C16orf96: variants seen among roughly 807,000 people sequenced by gnomAD.
C16orf96 encodes chromosome 16 open reading frame 96.
Under a neutral mutation model 103.6 loss-of-function variants are expected in C16orf96, and 108 were observed. The ratio of observed to expected loss-of-function variants is 1.04; its 90% CI spans 0.89 to 1.22. The LOEUF (loss-of-function observed/expected upper bound fraction) is 1.22. C16orf96 is among the 50% of genes most tolerant of loss of function. C16orf96 has a pLI of 0.00. For synonymous variants in C16orf96, 566 were observed against 593.5 expected (o/e 0.95, Z 0.67); for missense variants, 1,586 against 1,464.2 (o/e 1.08, Z -1.36).
At chr16:4,540,393 C>T in the C16orf96 span, among the ~76,000 whole-genome samples, 5 of 152,046 alleles carry the variant, frequency 3.3e-5, no homozygotes, top group East Asian at 3.9e-4. Context: ...GTGAGGATGT[C>T]AGTGGGGCAG....
intron 5 of C16orf96, among the ~76,000 whole-genome samples, chr16:4,577,020 C>T (rs935840613): frequency 3.9e-5 from 6 of 151,934 alleles, no homozygotes; most frequent in African/African-American, 7.3e-5. Context: ...GGAGAAACCC[C>T]GTCTCTACTA....
At chr16:4,549,492 A>C in the C16orf96 span, among the ~76,000 whole-genome samples, 6 of 145,730 alleles carry the variant, frequency 4.1e-5, no homozygotes, top group African/African-American at 5.1e-5. Flanking sequence ...AAAAAAAAAC[A>C]ACCAACCAGA....
chr16:4,580,212 T>G, intron 7 of C16orf96, 87 bp downstream of exon 7: 3 of 1,062,670 alleles, frequency 2.8e-6, no homozygotes, highest in Non-Finnish European at 3.9e-6. Flanking sequence ...AGGTTCTGCA[T>G]GAGGTGGGGA....
chr16:4,568,213 G>T (rs1466534934), intron 1 of C16orf96, among the ~76,000 whole-genome samples: 1 of 152,028 alleles, frequency 6.6e-6, no homozygotes, highest in African/African-American at 2.4e-5. Context: ...CTCTTCTGTT[G>T]CTTTCTAATT....
At chr16:4,547,649 TTTCCTTCC>T in the C16orf96 span, among the ~76,000 whole-genome samples, 27 of 119,160 alleles carry the variant, frequency 2.3e-4, no homozygotes, top group Middle Eastern at 4.1e-3. Flanking sequence ...TCTTTCTTTC[TTTCCTTCC>T]TTCCTTCCTT....
chr16:4,588,723 T>C (rs2141752132), intron 9 of C16orf96, among the ~76,000 whole-genome samples: 2 of 145,628 alleles, frequency 1.4e-5, no homozygotes, highest in East Asian at 4.3e-4. Flanking sequence ...TTTTTTTTTT[T>C]TTCATACAGG....
chr16:4,595,027 C>T (rs1897142505), intron 14 of C16orf96, among the ~76,000 whole-genome samples: 2 of 152,198 alleles, frequency 1.3e-5, no homozygotes, highest in South Asian at 4.1e-4. Context: ...CCGAGATCAA[C>T]AGCTGACCAG....
rs1169099009 is a variant in C16orf96 at position 4,584,440 on chromosome 16, C to T, written c.2353-2599C>T. Among the ~76,000 whole-genome samples the T allele has an allele frequency of 5.5e-5, 8 of 145,804 alleles. No individual in the cohort carries two copies. The South Asian group carries it at 1.3e-3, about 24-fold the overall frequency. ...TTGGCTCATTGTAACCTCCGCCTCC[C>T]GGGTTCAAGCAATTCTTCTGCCTCA... On this transcript the variant is annotated intron_variant, in intron 7 of 15. Transcript: ENST00000444310.
chr16:4,599,413 C>T, intron 15 of C16orf96, 49 bp downstream of exon 15: 1 of 1,461,634 alleles, frequency 6.8e-7, no homozygotes. Context: ...CTGGAAGGGT[C>T]TCCAGTCCCT....
the C16orf96 span, among the ~76,000 whole-genome samples, chr16:4,548,887 A>AAG: frequency 4.0e-5 from 6 of 151,006 alleles, no homozygotes; most frequent in Non-Finnish European, 4.4e-5. Context: ...AAAAAAAAAA[A>AAG]AAAAGAAAAG....
In C16orf96 at chr16:4,575,085, G is replaced by A. The variant is rs764425471; in HGVS notation, c.693+27G>A. On this transcript the variant is annotated intron_variant, in intron 4 of 15. Transcript: ENST00000444310. The stretch of plus-strand genomic sequence containing the variant: ...TGAGTGAGGAAGGAAGGGGAGGTTA[G>A]CAGGAAGCTGGGGAGCAGGCGGGTG... The A allele has an allele frequency of 7.1e-5, 110 of 1,550,800 alleles. 1 individual carries two copies. In the South Asian group the frequency reaches 1.3e-3, roughly 18 times the overall value.
chr16:4,577,550 C>A (rs1017828755), intron 5 of C16orf96, among the ~76,000 whole-genome samples: 1 of 152,020 alleles, frequency 6.6e-6, no homozygotes, highest in Non-Finnish European at 1.5e-5. Flanking sequence ...ACTCAGGAGG[C>A]TGAGGCAGGA....
At position 4,575,418 on chromosome 16, in the gene C16orf96, C is replaced by A. The variant is rs532115559; in HGVS notation, c.938C>A (p.Thr313Lys). ...GAGCCAGCGCAGCCTCCGGCCCTCACGCCTGAGTCTGCACCTGGGTGCACA... is the reference window on the plus strand; with the variant it reads ...GAGCCAGCGCAGCCTCCGGCCCTCAAGCCTGAGTCTGCACCTGGGTGCACA... Reference protein sequence around the residue: ...AQEPAQPPALTPESAPGCTTE... With the variant: ...AQEPAQPPALKPESAPGCTTE... Residue 313 changes from threonine (T) to lysine (K), a missense_variant, in exon 5 of 16, where the codon ACG (threonine) becomes AAG (lysine). Physicochemically the swap from Thr to Lys is moderately conservative, Grantham distance 78 (BLOSUM62 -1). Coordinates refer to ENST00000444310, the MANE Select transcript of C16orf96 (RefSeq NM_001145011.2). 1.4e-5 allele frequency: 22 copies of A among 1,550,160 alleles called. No homozygotes were observed. The highest frequency in any genetic ancestry group is 4.8e-5 in the South Asian group (4 of 84,062).
chr16:4,594,783 C>T lies in C16orf96; in HGVS notation c.3107C>T (p.Ala1036Val). Residue 1036 changes from alanine (A) to valine (V), a missense_variant, in exon 14 of 16, where the codon GCC (alanine) becomes GTC (valine). Ala to Val is a moderately conservative substitution (Grantham distance 64, BLOSUM62 0). Transcript: ENST00000444310. Reference sequence around the variant, plus strand: ...AGCCAGCGTGGGGCTCAGCCCTTGGCCGTCGCAAAGGAGCTGGCAGGTGAG... The same window carrying T: ...AGCCAGCGTGGGGCTCAGCCCTTGGTCGTCGCAAAGGAGCTGGCAGGTGAG... ...VNSQRGAQPL[A>V]VAKELAAVKA... is the part of the protein sequence containing the mutation. 6.4e-7 allele frequency: 1 copy of T among 1,550,650 alleles called. No individual in the cohort carries two copies. The highest frequency in any genetic ancestry group is 2.4e-5 in the East Asian group (1 of 40,912).
chr16:4,582,891 A>T (rs1287054166), intron 7 of C16orf96, among the ~76,000 whole-genome samples: 1 of 152,192 alleles, frequency 6.6e-6, no homozygotes, highest in Non-Finnish European at 1.5e-5. Flanking sequence ...AACAGAGCAC[A>T]TCCCTTGTCC....
Position 4,599,118 on chromosome 16 carries a change from G to A in C16orf96, c.3128-166G>A, listed in dbSNP as rs1426754075. On this transcript the variant is annotated intron_variant, in intron 14 of 15. Coordinates refer to ENST00000444310, the MANE Select transcript of C16orf96 (RefSeq NM_001145011.2). Reference sequence around the variant, plus strand: ...CTGCCTCAAGAAAAAAAAAAAAAAAGAAGCCAAGGAGGGAAGAACATTGAT... The same window carrying A: ...CTGCCTCAAGAAAAAAAAAAAAAAAAAAGCCAAGGAGGGAAGAACATTGAT... Among the ~76,000 whole-genome samples the A allele has an allele frequency of 4.7e-5, 7 of 150,258 alleles. No individual in the cohort carries two copies. In the East Asian group the frequency reaches 1.4e-3, roughly 29 times the overall value.
At chr16:4,544,118 G>A in the C16orf96 span, among the ~76,000 whole-genome samples, 1 of 152,162 alleles carries the variant, frequency 6.6e-6, no homozygotes, top group Non-Finnish European at 1.5e-5. Flanking sequence ...TTGGTCCCAA[G>A]TGTCCCATGC....
intron 2 of C16orf96, among the ~76,000 whole-genome samples, chr16:4,572,591 A>G (rs1198682928): frequency 6.6e-6 from 1 of 152,078 alleles, no homozygotes; most frequent in African/African-American, 2.4e-5. Flanking sequence ...GTGAGCCACC[A>G]CATCCGGCAA....
intron 7 of C16orf96, among the ~76,000 whole-genome samples, chr16:4,584,484 A>C (rs952931237): frequency 1.4e-5 from 2 of 145,130 alleles, no homozygotes; most frequent in Admixed American, 6.9e-5. Flanking sequence ...AGCAGTTGGG[A>C]CTACAGGCGT....
Sources: gnomAD v4.1 joint callset for allele counts (sites outside exome capture counted in the v4.1 genomes callset) on GRCh38, gnomAD v4.1.1 for gene constraint, MANE v1.5 for transcripts, NCBI Gene and HGNC (gene_info 2026-07-23, HGNC 2026-07-21) for gene names.